The following HERC3 variants were observed in gnomAD, a reference collection of about 807,000 sequenced individuals.
The protein encoded by HERC3 is probable E3 ubiquitin-protein ligase HERC3.
A neutral mutation model predicts 129.9 loss-of-function variants in HERC3; 58 were observed. That is an observed-to-expected ratio of 0.45 (90% confidence interval 0.36 to 0.56). The LOEUF (loss-of-function observed/expected upper bound fraction) is 0.56. Ranked by LOEUF, HERC3 falls within the 20% of genes least tolerant of loss-of-function variation. HERC3 has a pLI of 0.00. For synonymous variants in HERC3, 430 were observed against 451.0 expected (o/e 0.95, Z 0.59); for missense variants, 835 against 1,244.2 (o/e 0.67, Z 4.95).
At chr4:88,596,411 T>A (rs1722395598) in intron 2 of HERC3, among the ~76,000 whole-genome samples, 1 of 152,188 alleles carries the variant, frequency 6.6e-6, no homozygotes. Flanking sequence ...TTTAACATTA[T>A]CTGGAAAATA....
intron 23 of HERC3, among the ~76,000 whole-genome samples, chr4:88,691,762 A>G (rs1248678045): frequency 1.3e-5 from 2 of 152,262 alleles, no homozygotes; most frequent in East Asian, 3.8e-4. Context: ...ATTGATCATT[A>G]TAGTCATTAT....
the HERC3 span, among the ~76,000 whole-genome samples, chr4:88,543,422 A>G: frequency 6.6e-6 from 1 of 152,232 alleles, no homozygotes; most frequent in African/African-American, 2.4e-5. Context: ...CCACTGCTCA[A>G]CGAAATAAAA....
intron 3 of HERC3, among the ~76,000 whole-genome samples, chr4:88,627,914 AAAAAAAAAAAAG>A (rs1726302572): frequency 7.3e-6 from 1 of 137,240 alleles, no homozygotes; most frequent in South Asian, 2.2e-4. Context: ...CAAAAAAAAA[AAAAAAAAAAAAG>A]AAAACTTATC....
upstream of HERC3, among the ~76,000 whole-genome samples, chr4:88,589,285 G>A (rs1449530975): frequency 6.6e-6 from 1 of 152,116 alleles, no homozygotes; most frequent in Admixed American, 6.5e-5. Context: ...GACTCACTAT[G>A]TTGCACAGGC....
At chr4:88,548,336 T>A in the HERC3 span, among the ~76,000 whole-genome samples, 283 of 152,302 alleles carry the variant, frequency 1.9e-3, 2 homozygotes, top group Non-Finnish European at 2.8e-3. Flanking sequence ...ATTTTAAATT[T>A]TTCCACATTT....
chr4:88,572,181 T>A, the HERC3 span, among the ~76,000 whole-genome samples: 1 of 152,222 alleles, frequency 6.6e-6, no homozygotes, highest in East Asian at 1.9e-4. Context: ...CCCAACACTT[T>A]GGGAGGCCAA....
the HERC3 span, among the ~76,000 whole-genome samples, chr4:88,525,565 T>A: frequency 2.0e-5 from 3 of 152,142 alleles, no homozygotes; most frequent in African/African-American, 7.2e-5. Flanking sequence ...ATAAATAAAT[T>A]AGTTTCAGTT....
At chr4:88,561,939 A>T in the HERC3 span, among the ~76,000 whole-genome samples, 16 of 152,296 alleles carry the variant, frequency 1.1e-4, no homozygotes, top group Non-Finnish European at 1.9e-4. Context: ...TATTGTGAAT[A>T]CTGCTTCAAT....
intron 1 of HERC3, among the ~76,000 whole-genome samples, chr4:88,593,747 A>C (rs1434814228): frequency 6.6e-6 from 1 of 152,246 alleles, no homozygotes; most frequent in Non-Finnish European, 1.5e-5. Flanking sequence ...ATGATTAGAT[A>C]AGATCAAGTG....
intron 3 of HERC3, among the ~76,000 whole-genome samples, chr4:88,644,448 A>G (rs753370634): frequency 1.6e-4 from 25 of 152,228 alleles, no homozygotes; most frequent in Non-Finnish European, 3.4e-4. Flanking sequence ...AACTGTTGAT[A>G]CATGCAACCA....
At chr4:88,675,491 A>C (rs1732061563) in intron 16 of HERC3, among the ~76,000 whole-genome samples, 1 of 152,162 alleles carries the variant, frequency 6.6e-6, no homozygotes, top group South Asian at 2.1e-4. Context: ...ACAGATCAAC[A>C]TAACCTATAT....
rs755517268 is a variant in HERC3 at position 88,670,264 on chromosome 4, T to A, written c.1911+12T>A. On this transcript the variant is annotated intron_variant, in intron 16 of 25. Transcript: ENST00000402738. ...ATCAAGCAGGGATGGTAAGAATTCA[T>A]AAAGCATATTTTAAAGCTTTAGTCT... The A allele has an allele frequency of 1.3e-6, 2 of 1,526,654 alleles. No homozygotes were observed. The highest frequency in any genetic ancestry group is 1.8e-6 in the Non-Finnish European group (2 of 1,101,298). 94.6% of individuals were successfully genotyped at this position (1,526,654 alleles called of 1,614,324 possible).
intron 3 of HERC3, among the ~76,000 whole-genome samples, chr4:88,649,419 G>T (rs1476833524): frequency 1.3e-5 from 2 of 152,116 alleles, no homozygotes; most frequent in Admixed American, 1.3e-4. Context: ...TTTGTATGTG[G>T]GGGGAGAGGG....
chr4:88,644,701 G>A (rs1475070356), intron 3 of HERC3, among the ~76,000 whole-genome samples: 3 of 152,052 alleles, frequency 2.0e-5, no homozygotes, highest in Admixed American at 2.0e-4. Context: ...AGACTTATTT[G>A]TGTAGTTACA....
chr4:88,587,487 C>T (rs1031686963), upstream of HERC3, among the ~76,000 whole-genome samples: 2 of 152,178 alleles, frequency 1.3e-5, no homozygotes, highest in Non-Finnish European at 2.9e-5. Flanking sequence ...TGTAATGTCA[C>T]TAAACATATT....
the HERC3 span, among the ~76,000 whole-genome samples, chr4:88,529,737 G>T: frequency 0.033 from 4,911 of 149,200 alleles, 283 homozygotes; most frequent in African/African-American, 0.12. Context: ...CTGGGCAATA[G>T]AGAGAGACTA....
chr4:88,680,318 C>A, intron 20 of HERC3, 82 bp downstream of exon 20: 1 of 1,037,248 alleles, frequency 9.6e-7, no homozygotes, highest in Non-Finnish European at 1.4e-6. Flanking sequence ...TAACTTCTAA[C>A]TTTGCAAAGG....
chr4:88,550,183 A>G, the HERC3 span, among the ~76,000 whole-genome samples: 1 of 152,162 alleles, frequency 6.6e-6, no homozygotes, highest in Non-Finnish European at 1.5e-5. Context: ...CAGAAACCCC[A>G]TCTTGCAAGA....
the HERC3 span, among the ~76,000 whole-genome samples, chr4:88,535,204 G>C: frequency 2.5e-4 from 38 of 151,914 alleles, no homozygotes; most frequent in African/African-American, 9.0e-4. Context: ...AGCCTGTCAG[G>C]CATCTTTGAC....
Sources: gnomAD v4.1 joint callset for allele counts (sites outside exome capture counted in the v4.1 genomes callset) on GRCh38, gnomAD v4.1.1 for gene constraint, MANE v1.5 for transcripts, NCBI Gene and HGNC (gene_info 2026-07-23, HGNC 2026-07-21) for gene names.